The following AGAP6 variants were observed in gnomAD, a reference collection of about 807,000 sequenced individuals.
AGAP6 encodes ArfGAP with GTPase domain, ankyrin repeat and PH domain 6, also known as arf-GAP with GTPase, ANK repeat and PH domain-containing protein 6.
AGAP6 carries 29 observed loss-of-function variants against 63.9 expected under a neutral mutation model. The observed-to-expected ratio is 0.45, with a 90% CI of 0.34 to 0.62. The LOEUF is 0.62. Among genes scored for constraint, AGAP6 ranks in the 20% least tolerant of loss-of-function variants. AGAP6 has a pLI of 0.01. For synonymous variants in AGAP6, 199 were observed against 332.9 expected (o/e 0.60, Z 4.38); for missense variants, 493 against 884.9 (o/e 0.56, Z 5.62).
At chr10:50,001,445 A>C (rs1841696953) in intron 4 of AGAP6, among the ~76,000 whole-genome samples, 1 of 113,958 alleles carries the variant, frequency 8.8e-6, no homozygotes, top group Non-Finnish European at 1.9e-5. Context: ...TTTGAGACGG[A>C]GTCTCACTTT....
chr10:49,993,921 C>T (rs1289249658), intron 3 of AGAP6, among the ~76,000 whole-genome samples: 1 of 151,810 alleles, frequency 6.6e-6, no homozygotes, highest in Non-Finnish European at 1.5e-5. Context: ...TAGATAACCA[C>T]TAAGTGTGGT....
rs781821173 is a variant in AGAP6, at chr10:50,009,023, T to A, written c.898T>A (p.Trp300Arg). 8 of 1,613,582 alleles carry A rather than the reference T, an allele frequency of 5.0e-6. No homozygotes were observed. The Admixed American group carries it at 8.3e-5, about 17-fold the overall frequency. ...LKRSGKWLKTWKKKYVTLCSN... is the reference protein window; with the variant it reads ...LKRSGKWLKTRKKKYVTLCSN... ...GCGAAGTGGGAAATGGCTGAAGACA[T>A]GGAAAAAGAAATACGTCACCCTGTG... Residue 300 changes from tryptophan to arginine, a missense_variant, in exon 8 of 8, where the codon TGG becomes AGG. Coordinates refer to ENST00000412531, the MANE Select transcript of AGAP6 (RefSeq NM_001077665.3).
rs1554863576 is a variant in AGAP6, at chr10:50,004,668, T to C, written c.498-17T>C. On this transcript the variant is annotated splice_polypyrimidine_tract_variant and intron_variant, in intron 5 of 7. Coordinates refer to ENST00000412531, the MANE Select transcript of AGAP6 (RefSeq NM_001077665.3). Reference sequence around the variant, plus strand: ...AATGATAACATCTATTGTTATGAATTTTTTTTCCTTCCACAGTGTGACCTT... The same window carrying C: ...AATGATAACATCTATTGTTATGAATCTTTTTTCCTTCCACAGTGTGACCTT... The C allele has an allele frequency of 2.4e-6, 3 of 1,264,560 alleles. No individual in the cohort carries two copies. In the South Asian group the frequency reaches 4.4e-5, roughly 19 times the overall value. 78.3% of individuals were successfully genotyped at this position (1,264,560 alleles called of 1,614,324 possible). A position where few individuals can be genotyped will look rare whatever the true frequency, so the allele number is the denominator to read the frequency against.
In AGAP6 at chr10:49,998,028, C is replaced by T. The variant is rs532394584; in HGVS notation, c.396+3599C>T. Among the ~76,000 whole-genome samples, 466 of 134,200 alleles carry T rather than the reference C, an allele frequency of 3.5e-3. 55 individuals are homozygous for T. The highest frequency in any genetic ancestry group is 9.0e-3 in the South Asian group (34 of 3,778). 88.0% of individuals were successfully genotyped at this position (134,200 alleles called of 152,430 possible). A position where few individuals can be genotyped will look rare whatever the true frequency, so the allele number is the denominator to read the frequency against. On this transcript the variant is annotated intron_variant, in intron 4 of 7. Coordinates refer to ENST00000412531, the MANE Select transcript of AGAP6 (RefSeq NM_001077665.3). The stretch of plus-strand genomic sequence containing the variant: ...TATATATATATATGTATGTATATCA[C>T]GGTTTCTTTATCCACTCATTGATTG...
At chr10:50,001,468 G>A (rs1589098320) in intron 4 of AGAP6, among the ~76,000 whole-genome samples, 1 of 102,814 alleles carries the variant, frequency 9.7e-6, no homozygotes, top group Non-Finnish European at 2.1e-5. Context: ...CTGCCGGCCT[G>A]GAGTGCAGTG....
At chr10:50,003,970 G>T (rs1841806283) in intron 5 of AGAP6, among the ~76,000 whole-genome samples, 1 of 152,198 alleles carries the variant, frequency 6.6e-6, no homozygotes. Flanking sequence ...TGCTAATATT[G>T]TGTAGACCTA....
intron 2 of AGAP6, among the ~76,000 whole-genome samples, chr10:49,991,384 G>GGTTT (rs1841267885): frequency 8.8e-6 from 1 of 114,070 alleles, no homozygotes; most frequent in East Asian, 2.6e-4. Flanking sequence ...TACCTCTTCT[G>GGTTT]TTTTTTTTTT....
At position 50,009,596 on chromosome 10, in the gene AGAP6, A is replaced by G; in HGVS notation, c.1471A>G (p.Ser491Gly). ...DCETQNPKWA[S>G]LNLGVLMCIE... is the part of the protein sequence containing the mutation. ...TGAGACCCAGAATCCTAAGTGGGCCAGTTTGAACTTGGGAGTCCTCATGTG... is the reference window on the plus strand; with the variant it reads ...TGAGACCCAGAATCCTAAGTGGGCCGGTTTGAACTTGGGAGTCCTCATGTG... Residue 491 changes from serine to glycine, a missense_variant, in exon 8 of 8, where the codon AGT (serine) becomes GGT (glycine). This residue lies in a region of AGAP6 where 87 missense variants were observed against 92.9 expected (regional missense o/e 0.94). Coordinates refer to ENST00000412531, the MANE Select transcript of AGAP6 (RefSeq NM_001077665.3). 1.2e-6 allele frequency: 2 copies of G among 1,614,116 alleles called. No individual in the cohort carries two copies. Among genetic ancestry groups the G allele is most frequent in the East Asian group, 2.2e-5 (1 of 44,890 alleles).
intron 6 of AGAP6, among the ~76,000 whole-genome samples, chr10:50,006,682 C>T (rs61848273): frequency 1.1e-3 from 151 of 133,466 alleles, no homozygotes; most frequent in South Asian, 2.4e-3. Context: ...TGCGCTGGCC[C>T]AGTTGTACTT....
rs1482495517 is a variant in AGAP6 at position 50,008,028 on chromosome 10, T to A, written c.537T>A (p.Asp179Glu). Residue 179 changes from aspartate (D) to glutamate (E), a missense_variant, in exon 7 of 8, where the codon GAT becomes GAA. By Grantham distance (45) the Asp-to-Glu change is conservative. Coordinates refer to ENST00000412531, the MANE Select transcript of AGAP6 (RefSeq NM_001077665.3). ...AATGCGCTTTCTTATTTTATAGAGA[T>A]GCAGATAGAACTTTGAGCATACCTG... ...LEIPHHITQR[D>E]ADRTLSIPDE... is the part of the protein sequence containing the mutation. 6.2e-7 allele frequency: 1 copy of A among 1,611,964 alleles called. No individual in the cohort carries two copies. The highest frequency in any genetic ancestry group is 8.5e-7 in the Non-Finnish European group (1 of 1,179,842).
chr10:50,003,293 GA>G (rs1841779882), intron 5 of AGAP6, among the ~76,000 whole-genome samples: 1 of 148,166 alleles, frequency 6.7e-6, no homozygotes, highest in African/African-American at 2.5e-5. Flanking sequence ...TTGGCTTCAA[GA>G]AGATATTTTG....
chr10:50,008,031 A>G lies in AGAP6; in HGVS notation c.540A>G (p.Ala180=). 6.2e-7 allele frequency: 1 copy of G among 1,611,970 alleles called. No homozygotes were observed. The highest frequency in any genetic ancestry group is 1.7e-5 in the Admixed American group (1 of 60,028). The change falls in exon 7 of 8, where the codon GCA becomes GCG. Residue 180 remains alanine (A), a synonymous_variant. Coordinates refer to ENST00000412531, the MANE Select transcript of AGAP6 (RefSeq NM_001077665.3). ...GCGCTTTCTTATTTTATAGAGATGC[A>G]GATAGAACTTTGAGCATACCTGATG... ...EIPHHITQRD[A]DRTLSIPDEQ... is the part of the protein sequence containing the mutation.
rs782761476 is a variant in AGAP6 at position 50,002,116 on chromosome 10, C to T, written c.497+20C>T. The T allele has an allele frequency of 1.2e-5, 19 of 1,595,402 alleles. No homozygotes were observed. Among genetic ancestry groups the T allele is most frequent in the African/African-American group, 4.2e-5 (3 of 72,276 alleles). On this transcript the variant is annotated intron_variant, in intron 5 of 7. Transcript: ENST00000412531. The stretch of plus-strand genomic sequence containing the variant: ...AATATCGTGAGTACAACTATGCTGC[C>T]GAGGGACAGATTCCTTTATTCTAAA...
rs1554863584 is a variant in AGAP6 at position 50,004,737 on chromosome 10, C to T, written c.533+17C>T. The T allele has an allele frequency of 3.5e-6, 4 of 1,129,380 alleles. No homozygotes were observed. The highest frequency in any genetic ancestry group is 5.0e-6 in the Non-Finnish European group (4 of 796,794). 70.0% of individuals were successfully genotyped at this position (1,129,380 alleles called of 1,614,324 possible). A position where few individuals can be genotyped will look rare whatever the true frequency, so the allele number is the denominator to read the frequency against. On this transcript the variant is annotated intron_variant, in intron 6 of 7. Transcript: ENST00000412531. ...CACACAAAGGTGAGCTTTTTAGAAA[C>T]CTGTCTTGTTATTCTAGCTAATTAC... is the stretch of plus-strand genomic sequence containing the variant.
At chr10:49,992,413 T>A (rs1294542185) in intron 3 of AGAP6, among the ~76,000 whole-genome samples, 2 of 152,112 alleles carry the variant, frequency 1.3e-5, no homozygotes, top group African/African-American at 4.8e-5. Flanking sequence ...AGAATACAAG[T>A]GAGGGTTCTA....
chr10:50,008,836 C>A lies in AGAP6; in HGVS notation c.711C>A (p.Ala237=), dbSNP rs1268685918. 1 of 1,613,976 alleles carries A rather than the reference C, an allele frequency of 6.2e-7. No individual in the cohort carries two copies. The highest frequency in any genetic ancestry group is 1.7e-5 in the Admixed American group (1 of 59,996). The change falls in exon 8 of 8, where the codon GCC becomes GCA. Residue 237 remains alanine, a synonymous_variant. Transcript: ENST00000412531. ...CTCAGTTCAGTGTTCCTCCCACTGC[C>A]AACACACCCACGCCCGTTTGCAAGC... ...EDPQFSVPPT[A]NTPTPVCKRS...
Position 50,007,154 on chromosome 10 carries a change from G to A in AGAP6, c.534-871G>A, listed in dbSNP as rs560631815. ...GGCCTGTAATCCCAGCACTTTGGGA[G>A]GCTGAGGCAAGCGGATTACCTGAGG... On this transcript the variant is annotated intron_variant, in intron 6 of 7. Transcript: ENST00000412531. Among the ~76,000 whole-genome samples the A allele has an allele frequency of 2.6e-5, 4 of 152,226 alleles. No individual in the cohort carries two copies. The East Asian group carries it at 5.8e-4, about 22-fold the overall frequency.
chr10:49,990,621 A>G (rs1841232974), intron 2 of AGAP6, among the ~76,000 whole-genome samples: 1 of 152,212 alleles, frequency 6.6e-6, no homozygotes, highest in South Asian at 2.1e-4. Flanking sequence ...TTGAATAAAA[A>G]CTGAAATTTT....
In AGAP6 at chr10:49,989,055, C is replaced by T. The variant is rs574637379; in HGVS notation, c.223+117C>T. 642 of 1,588,226 alleles carry T rather than the reference C, an allele frequency of 4.0e-4. 1 individual carries two copies. Among genetic ancestry groups the T allele is most frequent in the South Asian group, 3.8e-3 (342 of 89,838 alleles). ...CCTTTCTGCTTGTAGCCAGCTTTCC[C>T]GGGGGCTGGCCAGGAACAAAAGCTG... On this transcript the variant is annotated intron_variant, in intron 1 of 7. Coordinates refer to ENST00000412531, the MANE Select transcript of AGAP6 (RefSeq NM_001077665.3).
Sources: allele counts gnomAD v4.1 joint callset (sites outside exome capture counted in the v4.1 genomes callset), GRCh38; gene constraint gnomAD v4.1.1; regional missense constraint gnomAD v4.1.1; transcripts MANE v1.5; gene names NCBI Gene and HGNC (gene_info 2026-07-23, HGNC 2026-07-21).